The following PEX1 variants were observed in gnomAD, a reference collection of about 807,000 sequenced individuals.
PEX1 encodes peroxisomal ATPase PEX1.
In PEX1, 97 loss-of-function variants were observed where a neutral mutation model predicts 152.5. The observed-to-expected ratio is 0.64, with a 90% CI of 0.54 to 0.75. The LOEUF (loss-of-function observed/expected upper bound fraction) is 0.75. Ranked by LOEUF, PEX1 falls within the 30% of genes least tolerant of loss-of-function variation. PEX1 has a pLI of 0.00. For missense variants in PEX1, 1,357 were observed against 1,516.3 expected (o/e 0.89, Z 1.74); for synonymous variants, 485 against 531.6 (o/e 0.91, Z 1.21).
At chr7:92,493,643 A>G (rs766827994) in intron 19 of PEX1, 3 of 153,960 alleles carry the variant, frequency 1.9e-5, no homozygotes, top group Non-Finnish European at 4.3e-5. Flanking sequence ...TGTCTGAAAA[A>G]CAAAAACCCA....
intron 5 of PEX1, among the ~76,000 whole-genome samples, chr7:92,516,767 C>T (rs977597182): frequency 2.6e-5 from 4 of 152,160 alleles, no homozygotes; most frequent in East Asian, 1.9e-4. Flanking sequence ...GAGCAGACAC[C>T]GGCAGGGTAA....
intron 11 of PEX1, among the ~76,000 whole-genome samples, chr7:92,505,899 CCT>C (rs1462053941): frequency 6.6e-6 from 1 of 152,056 alleles, no homozygotes. Flanking sequence ...CTTTCTCTCC[CCT>C]GAAGCAACCA....
In PEX1 at chr7:92,517,982, T is replaced by C. The variant is rs1393773660; in HGVS notation, c.533A>G (p.Gln178Arg). 3 of 1,613,362 alleles carry C rather than the reference T, an allele frequency of 1.9e-6. No homozygotes were observed. The highest frequency in any genetic ancestry group is 1.7e-6 in the Non-Finnish European group (2 of 1,179,762). ...CTCTTTGGCTCGGCGTGTCTTTGGC[T>C]GAATAAGGAGTTTGGTGTCAGTTTC... Reference protein sequence around the residue: ...RLETDTKLLIQPKTRRAKENT... With the variant: ...RLETDTKLLIRPKTRRAKENT... The change falls in exon 5 of 24, where the codon CAG (glutamine) becomes CGG (arginine). Residue 178 changes from glutamine (Q) to arginine (R), a missense_variant. Coordinates refer to ENST00000248633, the MANE Select transcript of PEX1 (RefSeq NM_000466.3).
chr7:92,508,443 C>T lies in PEX1; in HGVS notation c.1670+886G>A, dbSNP rs531477193. On this transcript the variant is annotated intron_variant, in intron 9 of 23. Transcript: ENST00000248633. Reference sequence around the variant, plus strand: ...ATCCCAGCTACTTAGGAGGCTGATGCGGAAGGATTGCTTGAACCCAGGAGG... The same window carrying T: ...ATCCCAGCTACTTAGGAGGCTGATGTGGAAGGATTGCTTGAACCCAGGAGG... 1.1e-4 allele frequency among the ~76,000 whole-genome samples: 16 copies of T among 151,448 alleles called. No individual in the cohort carries two copies. In the East Asian group the frequency reaches 1.7e-3, roughly 17 times the overall value.
In PEX1 at chr7:92,494,382, C is replaced by T. The variant is rs566068815; in HGVS notation, c.2941G>A (p.Ala981Thr). 2.1e-4 allele frequency: 340 copies of T among 1,613,926 alleles called. 3 individuals are homozygous for T. The South Asian group carries it at 3.6e-3, about 17-fold the overall frequency. ...VEGLQGVYVL[A>T]ATSRPDLIDP... ...ATCAAGTCAGGGCGACTAGTAGCAG[C>T]CAATACATAAACACCTAGAGGAAAA... is the stretch of plus-strand genomic sequence containing the variant. The change falls in exon 19 of 24, where the codon GCT (alanine) becomes ACT (threonine). Residue 981 changes from alanine (A) to threonine (T), a missense_variant. Ala to Thr is a moderately conservative substitution (Grantham distance 58). Transcript: ENST00000248633.
chr7:92,488,970 G>A (rs1791106105), intron 23 of PEX1, among the ~76,000 whole-genome samples: 2 of 152,274 alleles, frequency 1.3e-5, no homozygotes, highest in South Asian at 4.1e-4. Context: ...CTGACCTCAG[G>A]TGATCCACCT....
rs188349959 is a variant in PEX1, at chr7:92,522,293, T to C, written c.130-48A>G. ...GAAAAAAGGTTTTCGTATACATTTT[T>C]CTGGATTCACATGAAAATAAACTAT... is the stretch of plus-strand genomic sequence containing the variant. On this transcript the variant is annotated intron_variant, in intron 1 of 23. Transcript: ENST00000248633. 373 of 1,576,274 alleles carry C rather than the reference T, an allele frequency of 2.4e-4. 1 individual carries two copies. In the East Asian group the frequency reaches 7.6e-3, roughly 32 times the overall value.
intron 13 of PEX1, among the ~76,000 whole-genome samples, chr7:92,502,342 AGTTT>A (rs1347338206): frequency 6.6e-6 from 1 of 152,108 alleles, no homozygotes; most frequent in Non-Finnish European, 1.5e-5. Context: ...ACTTTATGTG[AGTTT>A]GTTGTACTTA....
At chr7:92,525,568 C>T (rs369000676) in intron 1 of PEX1, among the ~76,000 whole-genome samples, 41 of 152,264 alleles carry the variant, frequency 2.7e-4, no homozygotes, top group African/African-American at 9.4e-4. Context: ...TGTCTGAAGA[C>T]CTTTTTGGTT....
chr7:92,507,029 G>T lies in PEX1; in HGVS notation c.1768C>A (p.Leu590Ile), dbSNP rs1005252536. ...GTGAGTAAAAGAGCTCCATTCCTAAGTCCTGCAACAAGAGACATCAGCTGC... is the reference window on the plus strand; with the variant it reads ...GTGAGTAAAAGAGCTCCATTCCTAATTCCTGCAACAAGAGACATCAGCTGC... ...SRQLMSLVAGLRNGALLLTGG... is the reference protein window; with the variant it reads ...SRQLMSLVAGIRNGALLLTGG... The change falls in exon 10 of 24, where the codon CTT becomes ATT. Residue 590 changes from leucine (L) to isoleucine (I), a missense_variant. Physicochemically the swap from Leu to Ile is conservative, Grantham distance 5. Transcript: ENST00000248633. The T allele has an allele frequency of 3.1e-6, 5 of 1,613,936 alleles. No individual in the cohort carries two copies. The highest frequency in any genetic ancestry group is 4.2e-6 in the Non-Finnish European group (5 of 1,179,982).
At chr7:92,522,860 C>T (rs896866631) in intron 1 of PEX1, among the ~76,000 whole-genome samples, 1 of 152,024 alleles carries the variant, frequency 6.6e-6, no homozygotes, top group Non-Finnish European at 1.5e-5. Context: ...AAGCACAAAA[C>T]GTACAAAAGG....
chr7:92,516,156 T>C (rs928743815), intron 5 of PEX1, among the ~76,000 whole-genome samples: 5 of 151,932 alleles, frequency 3.3e-5, no homozygotes, highest in African/African-American at 1.2e-4. Context: ...CCAGGAGCAG[T>C]GGCTCATGCC....
intron 16 of PEX1, among the ~76,000 whole-genome samples, chr7:92,498,336 T>G (rs1359157109): frequency 6.6e-6 from 1 of 151,614 alleles, no homozygotes; most frequent in African/African-American, 2.4e-5. Context: ...AAACCCCATC[T>G]CTACTAAAAA....
intron 12 of PEX1, among the ~76,000 whole-genome samples, chr7:92,504,043 C>T (rs529088809): frequency 1.3e-5 from 2 of 152,150 alleles, no homozygotes; most frequent in African/African-American, 4.8e-5. Flanking sequence ...TCTTTATTAG[C>T]ATGAAATTGG....
intron 11 of PEX1, among the ~76,000 whole-genome samples, chr7:92,505,790 T>A (rs1792161029): frequency 6.6e-6 from 1 of 152,206 alleles, no homozygotes; most frequent in Non-Finnish European, 1.5e-5. Flanking sequence ...CAATATTTTT[T>A]AATTGAATAG....
At chr7:92,510,596 A>G (rs916146090) in intron 8 of PEX1, among the ~76,000 whole-genome samples, 3 of 152,142 alleles carry the variant, frequency 2.0e-5, no homozygotes, top group Non-Finnish European at 2.9e-5. Context: ...GTAAAATTGC[A>G]TGTAAAAATA....
intron 11 of PEX1, 73 bp from the exon 12 acceptor site, chr7:92,504,975 G>T: frequency 8.9e-7 from 1 of 1,128,124 alleles, no homozygotes; most frequent in Non-Finnish European, 1.4e-6. Flanking sequence ...CCTTTTGAAA[G>T]CACTAGAAAA....
chr7:92,507,363 C>T (rs1203187641), intron 9 of PEX1: 34 of 422,216 alleles, frequency 8.1e-5, no homozygotes, highest in South Asian at 3.2e-4. Context: ...CTCAGCCTCC[C>T]GAGTAGCTGG....
rs1283099438 is a variant in PEX1, at chr7:92,519,085, A to C, written c.274-7T>G. 1 of 1,520,752 alleles carries C rather than the reference A, an allele frequency of 6.6e-7. No individual in the cohort carries two copies. The highest frequency in any genetic ancestry group is 9.1e-7 in the Non-Finnish European group (1 of 1,096,872). The allele number at this position is 1,520,752 out of a possible 1,614,324, so 94.2% of individuals were successfully genotyped here. A position where few individuals can be genotyped will look rare whatever the true frequency, so the allele number is the denominator to read the frequency against. On this transcript the variant is annotated splice_polypyrimidine_tract_variant and splice_region_variant and intron_variant, in intron 2 of 23. Coordinates refer to ENST00000248633, the MANE Select transcript of PEX1 (RefSeq NM_000466.3). The stretch of plus-strand genomic sequence containing the variant: ...AACATGGCTTGAGAAATACCTAGAA[A>C]AAATTAAAAATTTAAAACTACTTTA...
Sources: allele counts gnomAD v4.1 joint callset (sites outside exome capture counted in the v4.1 genomes callset), GRCh38; gene constraint gnomAD v4.1.1; transcripts MANE v1.5; gene names NCBI Gene and HGNC (gene_info 2026-07-23, HGNC 2026-07-21).